The following SLC22A24 variants were observed in gnomAD, a reference collection of about 807,000 sequenced individuals.
SLC22A24 encodes the protein steroid transmembrane transporter SLC22A24.
Under a neutral mutation model 49.8 loss-of-function variants are expected in SLC22A24, and 53 were observed. The ratio of observed to expected loss-of-function variants is 1.06; its 90% CI spans 0.85 to 1.34. The LOEUF (loss-of-function observed/expected upper bound fraction) is 1.34. SLC22A24 is among the 40% of genes most tolerant of loss of function. The probability of loss-of-function intolerance (pLI) is 0.00; values close to 1 mark genes in which losing one functional copy is unlikely to be tolerated. For missense variants in SLC22A24, 786 were observed against 675.9 expected, an observed-to-expected ratio of 1.16 and a Z score of -1.81; for synonymous variants, 302 against 256.4, an observed-to-expected ratio of 1.18 and a Z score of -1.70.
intron 4 of SLC22A24, among the ~76,000 whole-genome samples, chr11:63,112,186 C>T (rs2087170493): frequency 1.3e-5 from 2 of 152,058 alleles, no homozygotes; most frequent in Admixed American, 1.3e-4. Context: ...ATCCTGAGTT[C>T]TAGTTTGATT....
chr11:63,128,227 G>T (rs551118197), intron 2 of SLC22A24, among the ~76,000 whole-genome samples: 1 of 152,086 alleles, frequency 6.6e-6, no homozygotes, highest in South Asian at 2.1e-4. Context: ...GTCACGGTGA[G>T]AAGTGACCAG....
chr11:63,085,921 G>A (rs1274836466), intron 6 of SLC22A24, among the ~76,000 whole-genome samples: 1 of 152,162 alleles, frequency 6.6e-6, no homozygotes, highest in Non-Finnish European at 1.5e-5. Flanking sequence ...CTAGTCTTTA[G>A]TGCCTGAAAG....
intron 4 of SLC22A24, among the ~76,000 whole-genome samples, chr11:63,113,568 T>C (rs1027974279): frequency 9.2e-5 from 14 of 151,914 alleles, no homozygotes; most frequent in African/African-American, 3.4e-4. Context: ...TCTTTAAGAA[T>C]GTTGAGGCCG....
intron 6 of SLC22A24, 114 bp from the exon 7 acceptor site, chr11:63,083,571 C>A (rs868372712): frequency 2.5e-6 from 2 of 808,762 alleles, no homozygotes; most frequent in South Asian, 3.8e-5. Flanking sequence ...ACCCAATTGG[C>A]AAATGGTGTT....
chr11:63,088,198 C>T (rs1014301645), intron 6 of SLC22A24, among the ~76,000 whole-genome samples: 4 of 152,184 alleles, frequency 2.6e-5, no homozygotes, highest in Admixed American at 2.0e-4. Flanking sequence ...CAGGCTGGTG[C>T]CCCTCTGGGA....
intron 2 of SLC22A24, among the ~76,000 whole-genome samples, chr11:63,126,892 A>G (rs1047741386): frequency 1.6e-4 from 25 of 152,086 alleles, no homozygotes; most frequent in African/African-American, 5.5e-4. Context: ...ATTCCTAGGT[A>G]TTTTATTCTC....
intron 7 of SLC22A24, among the ~76,000 whole-genome samples, chr11:63,082,714 G>C (rs1211758790): frequency 6.6e-6 from 1 of 152,192 alleles, no homozygotes; most frequent in Non-Finnish European, 1.5e-5. Context: ...TTTTATTTCA[G>C]CAAAGTCAAG....
At chr11:63,105,918 AT>A (rs1169050464) in intron 4 of SLC22A24, among the ~76,000 whole-genome samples, 2 of 138,858 alleles carry the variant, frequency 1.4e-5, no homozygotes, top group Non-Finnish European at 3.2e-5. Flanking sequence ...TTAAAACTGA[AT>A]TTTTTTCTTT....
At chr11:63,080,128 A>G (rs1393964223) in intron 9 of SLC22A24, 128 bp from the exon 10 acceptor site, 2 of 606,492 alleles carry the variant, frequency 3.3e-6, no homozygotes, top group Admixed American at 5.5e-5. Flanking sequence ...GTAATCCAAG[A>G]TTCTCTAGAT....
chr11:63,094,486 G>T (rs1054100968), intron 6 of SLC22A24, among the ~76,000 whole-genome samples: 4 of 152,012 alleles, frequency 2.6e-5, no homozygotes, highest in Admixed American at 1.3e-4. Flanking sequence ...AATCCTTTGG[G>T]TATATACCCA....
At chr11:63,089,513 A>C (rs1004011409) in intron 6 of SLC22A24, among the ~76,000 whole-genome samples, 1 of 152,198 alleles carries the variant, frequency 6.6e-6, no homozygotes, top group African/African-American at 2.4e-5. Context: ...CGCATCAACT[A>C]ATGGGCAAAA....
chr11:63,112,561 AC>A (rs1476106024), intron 4 of SLC22A24, among the ~76,000 whole-genome samples: 1 of 152,040 alleles, frequency 6.6e-6, no homozygotes, highest in Non-Finnish European at 1.5e-5. Context: ...GTTTCAAAAC[AC>A]CAGCTTCTGG....
At chr11:63,136,910 C>T (rs1027778818) in intron 1 of SLC22A24, among the ~76,000 whole-genome samples, 2 of 152,188 alleles carry the variant, frequency 1.3e-5, no homozygotes, top group African/African-American at 4.8e-5. Flanking sequence ...GAGACATAGT[C>T]ATGGGGAGAT....
intron 4 of SLC22A24, among the ~76,000 whole-genome samples, chr11:63,113,036 ATATATAT>A (rs2087179781): frequency 2.2e-4 from 1 of 4,644 alleles, no homozygotes; most frequent in African/African-American, 3.0e-4. Flanking sequence ...AAAAAAAAAA[ATATATAT>A]ATATATATAT....
intron 6 of SLC22A24, among the ~76,000 whole-genome samples, chr11:63,085,192 A>G (rs1172852051): frequency 6.6e-6 from 1 of 152,078 alleles, no homozygotes; most frequent in Non-Finnish European, 1.5e-5. Context: ...TAGATATAAA[A>G]TTTCTATAAA....
intron 7 of SLC22A24, among the ~76,000 whole-genome samples, chr11:63,082,184 A>G (rs1944047): frequency 0.47 from 71,908 of 152,010 alleles, 17,421 homozygotes; most frequent in Middle Eastern, 0.54. Flanking sequence ...ATATTCTACC[A>G]TATAGTAAGA....
At chr11:63,128,510 C>A (rs1201653766) in intron 2 of SLC22A24, among the ~76,000 whole-genome samples, 2 of 152,172 alleles carry the variant, frequency 1.3e-5, no homozygotes, top group South Asian at 4.1e-4. Flanking sequence ...GGAGGCCTAA[C>A]CATCTCCCTG....
At position 63,121,709 on chromosome 11, in the gene SLC22A24, A is replaced by C. The variant is rs138274416; in HGVS notation, c.507-2374T>G. On this transcript the variant is annotated intron_variant, in intron 2 of 9. Transcript: ENST00000612278. ...ATGTGCAGGTTAGTTACATATGTAT[A>C]CACGTGCCATGCTGGTGTGCTGCAC... Among the ~76,000 whole-genome samples, 721 of 152,130 alleles carry C rather than the reference A, an allele frequency of 4.7e-3. 4 individuals carry two copies. The highest frequency in any genetic ancestry group is 0.017 in the African/African-American group (686 of 41,506).
intron 2 of SLC22A24, among the ~76,000 whole-genome samples, chr11:63,130,450 C>G (rs2087325738): frequency 6.6e-6 from 1 of 152,042 alleles, no homozygotes; most frequent in South Asian, 2.1e-4. Flanking sequence ...TTTCTTGTGT[C>G]TCTGTCAGGC....
Sources: gnomAD v4.1 joint callset for allele counts (sites outside exome capture counted in the v4.1 genomes callset) on GRCh38, gnomAD v4.1.1 for gene constraint, MANE v1.5 for transcripts, NCBI Gene and HGNC (gene_info 2026-07-23, HGNC 2026-07-21) for gene names.